The following POLQ variants were observed in gnomAD, a reference collection of about 807,000 sequenced individuals.
POLQ encodes the protein epididymis secretory sperm binding protein.
A neutral mutation model predicts 259.2 loss-of-function variants in POLQ; 233 were observed. The observed-to-expected ratio is 0.90, with a 90% CI of 0.81 to 1.00. The LOEUF is 1.00. Ranked by LOEUF, POLQ falls within the 50% of genes least tolerant of loss-of-function variation. POLQ has a pLI of 0.00. For synonymous variants in POLQ, 1,025 were observed against 1,048.8 expected (o/e 0.98, Z 0.44); for missense variants, 2,871 against 3,051.6 (o/e 0.94, Z 1.39).
chr3:121,545,861 C>T lies in POLQ; in HGVS notation c.17G>A (p.Arg6Gln), dbSNP rs1287724258. The T allele has an allele frequency of 6.2e-7, 1 of 1,613,988 alleles. No individual in the cohort carries two copies. Among genetic ancestry groups the T allele is most frequent in the Non-Finnish European group, 8.5e-7 (1 of 1,179,986 alleles). ...TTCTGAACGCCGCCGTTTCCCACTC[C>T]GACGCAGAAGATTCATGGCAAACTC... is the stretch of plus-strand genomic sequence containing the variant. The part of the protein sequence containing the change: MNLLR[R>Q]SGKRRRSESG... The change falls in exon 1 of 30, where the codon CGG (arginine) becomes CAG (glutamine). Residue 6 changes from arginine to glutamine, a missense_variant. By Grantham distance (43) the Arg-to-Gln change is conservative. Around this residue, in one of 3 missense-constraint regions of POLQ, gnomAD observed 783 missense variants for 906.2 expected, o/e 0.86. Coordinates refer to ENST00000264233, the MANE Select transcript of POLQ (RefSeq NM_199420.4).
At chr3:121,545,090 C>G (rs1054339732) in intron 1 of POLQ, among the ~76,000 whole-genome samples, 184 bp from the exon 2 acceptor site, 1 of 152,044 alleles carries the variant, frequency 6.6e-6, no homozygotes, top group African/African-American at 2.4e-5. Flanking sequence ...TTATTTACTG[C>G]ATATAATAAA....
intron 10 of POLQ, 65 bp from the exon 11 acceptor site, chr3:121,510,308 T>G: frequency 1.7e-6 from 2 of 1,196,354 alleles, no homozygotes; most frequent in Non-Finnish European, 2.5e-6. Flanking sequence ...CCGGGCGCGG[T>G]GGCTCATGCC....
intron 12 of POLQ, among the ~76,000 whole-genome samples, chr3:121,501,027 G>A (rs879465806): frequency 2.6e-5 from 4 of 152,104 alleles, no homozygotes; most frequent in Non-Finnish European, 4.4e-5. Context: ...GCAGTGGCAC[G>A]ATCTCAGCTC....
chr3:121,477,490 A>G (rs2047936201), intron 19 of POLQ, among the ~76,000 whole-genome samples: 1 of 152,026 alleles, frequency 6.6e-6, no homozygotes, highest in Non-Finnish European at 1.5e-5. Flanking sequence ...GAAACGTAAA[A>G]CACTTCTGGT....
chr3:121,535,430 T>C (rs972202163), intron 5 of POLQ, among the ~76,000 whole-genome samples: 1 of 152,066 alleles, frequency 6.6e-6, no homozygotes, highest in African/African-American at 2.4e-5. Flanking sequence ...TCCATAATTA[T>C]GGAGGCCGGG....
At chr3:121,436,622 C>T (rs1428590533) in intron 27 of POLQ, among the ~76,000 whole-genome samples, 5 of 152,076 alleles carry the variant, frequency 3.3e-5, no homozygotes, top group African/African-American at 1.2e-4. Context: ...AGATCTGCTC[C>T]TCAAAATAAT....
rs773160409 is a variant in POLQ, at chr3:121,498,522, A to G, written c.2108T>C (p.Val703Ala). ...TCGATGCTGTCTCTCAGTTCTGGCT[A>G]CTACTTTTCCTTTCACACAACGGGC... ...FLARCVKGKV[V>A]ARTERQHRQM... Residue 703 changes from valine to alanine, a missense_variant, in exon 13 of 30, where the codon GTA (valine) becomes GCA (alanine). Val to Ala is a moderately conservative substitution (Grantham distance 64). Around this residue, in one of 3 missense-constraint regions of POLQ, gnomAD observed 783 missense variants for 906.2 expected, o/e 0.86. Coordinates refer to ENST00000264233, the MANE Select transcript of POLQ (RefSeq NM_199420.4). The G allele has an allele frequency of 4.3e-6, 7 of 1,614,004 alleles. No individual in the cohort carries two copies. Among genetic ancestry groups the G allele is most frequent in the Non-Finnish European group, 5.1e-6 (6 of 1,180,012 alleles).
chr3:121,532,391 G>T lies in POLQ; in HGVS notation c.960+599C>A, dbSNP rs1010673375. 5.3e-5 allele frequency among the ~76,000 whole-genome samples: 8 copies of T among 151,986 alleles called. 1 individual carries two copies. The South Asian group carries it at 6.2e-4, about 12-fold the overall frequency. ...TAAGAAAATCTTTTCCCAGTAAAAAGAAAACGCTACAAGATCAGTTATTTT... is the reference window on the plus strand; with the variant it reads ...TAAGAAAATCTTTTCCCAGTAAAAATAAAACGCTACAAGATCAGTTATTTT... On this transcript the variant is annotated intron_variant, in intron 6 of 29. Transcript: ENST00000264233.
rs1292234833 is a variant in POLQ at position 121,455,090 on chromosome 3, A to G, written c.7152+4960T>C. On this transcript the variant is annotated intron_variant, in intron 25 of 29. Coordinates refer to ENST00000264233, the MANE Select transcript of POLQ (RefSeq NM_199420.4). Reference sequence around the variant, plus strand: ...AGGATTAAGAAACTCACTCAAAACCACTCAACTACATGGAAACTGAACAAC... The same window carrying G: ...AGGATTAAGAAACTCACTCAAAACCGCTCAACTACATGGAAACTGAACAAC... Among the ~76,000 whole-genome samples, 7 of 150,924 alleles carry G rather than the reference A, an allele frequency of 4.6e-5. 1 individual carries two copies. In the South Asian group the frequency reaches 8.4e-4, roughly 18 times the overall value.
In POLQ at chr3:121,490,083, T is replaced by C. The variant is rs751712973; in HGVS notation, c.2848A>G (p.Lys950Glu). ...TCTTGCACTATATTTGGTGAATGCT[T>C]AATATAAGAATCACTAAATATTGTG... ...SNTIFSDSYIKHSPNIVQDLN... is the reference protein window; with the variant it reads ...SNTIFSDSYIEHSPNIVQDLN... Residue 950 changes from lysine (K) to glutamate (E), a missense_variant, in exon 16 of 30, where the codon AAG (lysine) becomes GAG (glutamate). By Grantham distance (56) the Lys-to-Glu change is moderately conservative. Transcript: ENST00000264233. The C allele has an allele frequency of 2.5e-6, 4 of 1,584,648 alleles. No homozygotes were observed. The South Asian group carries it at 4.6e-5, about 18-fold the overall frequency.
intron 25 of POLQ, among the ~76,000 whole-genome samples, chr3:121,459,668 A>G (rs1170478622): frequency 6.6e-6 from 1 of 152,188 alleles, no homozygotes; most frequent in Admixed American, 6.5e-5. Flanking sequence ...GGCGTGAGCC[A>G]CCGCGCCCGG....
At chr3:121,539,721 G>A in intron 3 of POLQ, 132 bp from the exon 4 acceptor site, 1 of 687,192 alleles carries the variant, frequency 1.5e-6, no homozygotes. Context: ...GTTGTTTCTG[G>A]CCAGGACACA....
chr3:121,452,730 C>G (rs548296339), intron 25 of POLQ, among the ~76,000 whole-genome samples: 15 of 152,288 alleles, frequency 9.8e-5, no homozygotes, highest in African/African-American at 2.9e-4. Flanking sequence ...AACAAAGCAG[C>G]CAGGAAGCTC....
intron 25 of POLQ, among the ~76,000 whole-genome samples, chr3:121,450,477 G>A (rs1431458824): frequency 2.0e-5 from 3 of 151,346 alleles, no homozygotes; most frequent in Admixed American, 6.6e-5. Context: ...TCATTAACTC[G>A]TCATTTATAT....
chr3:121,504,449 A>C (rs1388720593), intron 12 of POLQ, among the ~76,000 whole-genome samples: 1 of 152,168 alleles, frequency 6.6e-6, no homozygotes, highest in Non-Finnish European at 1.5e-5. Flanking sequence ...TGACTGGTGA[A>C]ATCTACTAAA....
intron 19 of POLQ, 105 bp downstream of exon 19, chr3:121,481,467 A>T: frequency 9.2e-7 from 1 of 1,081,360 alleles, no homozygotes; most frequent in Non-Finnish European, 1.3e-6. Flanking sequence ...AGACAATCCA[A>T]AGGTAGGATT....
At position 121,439,976 on chromosome 3, in the gene POLQ, A is replaced by G; in HGVS notation, c.7389+16T>C. The G allele has an allele frequency of 6.2e-7, 1 of 1,609,538 alleles. No homozygotes were observed. The highest frequency in any genetic ancestry group is 1.1e-5 in the South Asian group (1 of 90,256). On this transcript the variant is annotated intron_variant, in intron 27 of 29. Coordinates refer to ENST00000264233, the MANE Select transcript of POLQ (RefSeq NM_199420.4). ...TTGAAATGTTAAGTTAAAATTCCTA[A>G]AAAATTTCAACATACGTGAGCTTTA...
intron 12 of POLQ, among the ~76,000 whole-genome samples, chr3:121,504,954 G>C (rs1370975716): frequency 6.6e-6 from 1 of 152,138 alleles, no homozygotes; most frequent in Admixed American, 6.5e-5. Flanking sequence ...CCCAAGTGTA[G>C]ATTTATATAG....
At chr3:121,511,845 G>A in intron 10 of POLQ, 42 bp downstream of exon 10, 1 of 1,456,152 alleles carries the variant, frequency 6.9e-7, no homozygotes, top group Non-Finnish European at 9.5e-7. Flanking sequence ...TACTAATTTA[G>A]GCATAAAAGA....
Sources: allele counts gnomAD v4.1 joint callset (sites outside exome capture counted in the v4.1 genomes callset), GRCh38; gene constraint gnomAD v4.1.1; regional missense constraint gnomAD v4.1.1; transcripts MANE v1.5; gene names NCBI Gene and HGNC (gene_info 2026-07-23, HGNC 2026-07-21).